Variants in CREB5 observed in about 807,000 individuals in gnomAD.
CREB5 encodes the protein cyclic AMP-responsive element-binding protein 5.
A neutral mutation model predicts 57.1 loss-of-function variants in CREB5; 19 were observed. The ratio of observed to expected loss-of-function variants is 0.33; its 90% CI spans 0.23 to 0.49. The LOEUF is 0.49. Among genes scored for constraint, CREB5 ranks in the 20% least tolerant of loss-of-function variants. CREB5 has a pLI of 0.99. For missense variants in CREB5, 579 were observed against 671.6 expected, an observed-to-expected ratio of 0.86 and a Z score of 1.52; for synonymous variants, 238 against 238.3, an observed-to-expected ratio of 1.00 and a Z score of 0.01.
At chr7:28,478,492 CT>C (rs1173399920) in intron 1 of CREB5, among the ~76,000 whole-genome samples, 1 of 152,076 alleles carries the variant, frequency 6.6e-6, no homozygotes, top group Non-Finnish European at 1.5e-5. Flanking sequence ...AAAAGTTTCC[CT>C]AATAAGTATT....
chr7:28,521,121 T>C (rs1793187322), intron 4 of CREB5, among the ~76,000 whole-genome samples: 1 of 152,188 alleles, frequency 6.6e-6, no homozygotes, highest in Non-Finnish European at 1.5e-5. Flanking sequence ...AAGGCACCCA[T>C]TGCACAGTGC....
chr7:28,780,762 C>T (rs921150101), intron 7 of CREB5, among the ~76,000 whole-genome samples: 1 of 152,108 alleles, frequency 6.6e-6, no homozygotes, highest in Non-Finnish European at 1.5e-5. Flanking sequence ...GTTCTTTCAA[C>T]TCTTACTCTT....
chr7:28,378,750 C>A (rs1463597296), intron 1 of CREB5, among the ~76,000 whole-genome samples: 1 of 152,188 alleles, frequency 6.6e-6, no homozygotes, highest in Non-Finnish European at 1.5e-5. Flanking sequence ...TTTGGATAGG[C>A]AATGATTCAT....
chr7:28,418,898 T>A (rs1219431387), intron 1 of CREB5, among the ~76,000 whole-genome samples: 1 of 152,220 alleles, frequency 6.6e-6, no homozygotes, highest in Admixed American at 6.5e-5. Flanking sequence ...CAATTGCTTG[T>A]ACTATTGCGC....
chr7:28,745,129 C>T (rs1432419308), intron 7 of CREB5, among the ~76,000 whole-genome samples: 5 of 152,322 alleles, frequency 3.3e-5, no homozygotes, highest in African/African-American at 7.2e-5. Flanking sequence ...TCTTGCTCCA[C>T]GCTGGTCCTT....
chr7:28,746,750 T>A (rs1424292041), intron 7 of CREB5, among the ~76,000 whole-genome samples: 1 of 152,224 alleles, frequency 6.6e-6, no homozygotes, highest in Non-Finnish European at 1.5e-5. Context: ...TTAGCTCTAT[T>A]TGTGAAAAGC....
At chr7:28,338,607 G>A (rs891834361) in intron 1 of CREB5, among the ~76,000 whole-genome samples, 7 of 151,706 alleles carry the variant, frequency 4.6e-5, no homozygotes, top group South Asian at 2.1e-4. Flanking sequence ...AGTCTTTTTT[G>A]GATTAAATCT....
rs545826522 is a variant in CREB5, at chr7:28,601,312, G to C, written c.464+30775G>C. On this transcript the variant is annotated intron_variant, in intron 5 of 10. Transcript: ENST00000357727. ...AAATCCATAAAGGCAAGAGTATTTG[G>C]GGACAAAGAAGGGAGGAATAAGTTG... Among the ~76,000 whole-genome samples, 57 of 152,210 alleles carry C rather than the reference G, an allele frequency of 3.7e-4. No homozygotes were observed. In the South Asian group the frequency reaches 0.012, roughly 32 times the overall value.
At chr7:28,610,526 AG>A (rs1797342609) in intron 5 of CREB5, among the ~76,000 whole-genome samples, 1 of 152,222 alleles carries the variant, frequency 6.6e-6, no homozygotes, top group Admixed American at 6.5e-5. Context: ...TAAATCCCCC[AG>A]GCTAAATAAA....
chr7:28,786,651 G>A (rs1452379019), intron 7 of CREB5, among the ~76,000 whole-genome samples: 4 of 152,218 alleles, frequency 2.6e-5, no homozygotes, highest in East Asian at 3.9e-4. Flanking sequence ...TCCTCCTCCC[G>A]ACTCTTATTG....
chr7:28,621,422 C>T (rs1233820988), intron 5 of CREB5, among the ~76,000 whole-genome samples: 1 of 152,112 alleles, frequency 6.6e-6, no homozygotes, highest in Non-Finnish European at 1.5e-5. Context: ...CATTTCTAAC[C>T]GGATTGTCTT....
intron 1 of CREB5, among the ~76,000 whole-genome samples, chr7:28,418,783 G>A (rs1312998364): frequency 6.6e-6 from 1 of 152,174 alleles, no homozygotes; most frequent in South Asian, 2.1e-4. Flanking sequence ...TCATTGATTA[G>A]ATGGGTGGTC....
intron 4 of CREB5, among the ~76,000 whole-genome samples, chr7:28,524,394 A>G (rs1702149262): frequency 6.6e-6 from 1 of 151,314 alleles, no homozygotes; most frequent in Non-Finnish European, 1.5e-5. Context: ...AATCCCACCT[A>G]ATCAGGAGGC....
chr7:28,542,389 G>A (rs1277763097), intron 4 of CREB5, among the ~76,000 whole-genome samples: 22 of 152,176 alleles, frequency 1.4e-4, no homozygotes, highest in Non-Finnish European at 2.9e-5. Flanking sequence ...CAGGGGCAGA[G>A]GGAAACAAAG....
At chr7:28,368,218 G>A (rs747404691) in intron 1 of CREB5, among the ~76,000 whole-genome samples, 3 of 152,138 alleles carry the variant, frequency 2.0e-5, no homozygotes, top group Non-Finnish European at 2.9e-5. Flanking sequence ...ATACAGAGTG[G>A]TATAATGGAC....
intron 5 of CREB5, among the ~76,000 whole-genome samples, chr7:28,580,464 A>C (rs1465243651): frequency 1.6e-5 from 1 of 64,230 alleles, no homozygotes; most frequent in Admixed American, 1.4e-4. Context: ...CACACACACA[A>C]TAGATAGCTG....
intron 5 of CREB5, among the ~76,000 whole-genome samples, chr7:28,678,480 C>T (rs1800428475): frequency 6.6e-6 from 1 of 152,102 alleles, no homozygotes. Context: ...AAAATCAAAA[C>T]TTATACCAAA....
intron 5 of CREB5, among the ~76,000 whole-genome samples, chr7:28,582,823 G>A (rs1458069730): frequency 1.3e-5 from 2 of 152,180 alleles, no homozygotes; most frequent in Non-Finnish European, 2.9e-5. Flanking sequence ...AGGGAGAAGA[G>A]GGCAGAACAC....
intron 5 of CREB5, among the ~76,000 whole-genome samples, chr7:28,675,418 T>C (rs1013358180): frequency 1.3e-5 from 2 of 152,160 alleles, no homozygotes; most frequent in African/African-American, 4.8e-5. Context: ...AACTTATGAC[T>C]TTGGTTTTCC....
Sources: gnomAD v4.1 joint callset for allele counts (sites outside exome capture counted in the v4.1 genomes callset) on GRCh38, gnomAD v4.1.1 for gene constraint, MANE v1.5 for transcripts, NCBI Gene and HGNC (gene_info 2026-07-23, HGNC 2026-07-21) for gene names.